PATJ: variants seen among roughly 807,000 people sequenced by gnomAD.
PATJ encodes PATJ crumbs cell polarity complex component.
In PATJ, 190 loss-of-function variants were observed where a neutral mutation model predicts 224.9. That is an observed-to-expected ratio of 0.84 (90% confidence interval 0.75 to 0.95). The LOEUF (loss-of-function observed/expected upper bound fraction) is 0.95. PATJ is among the 40% of genes least tolerant of loss of function. The pLI, the probability that PATJ is intolerant of heterozygous loss-of-function variation, is 0.00. For synonymous variants in PATJ, 769 were observed against 820.3 expected, an observed-to-expected ratio of 0.94 and a Z score of 1.07; for missense variants, 2,121 against 2,270.3, an observed-to-expected ratio of 0.93 and a Z score of 1.34.
At chr1:61,972,358 T>C (rs1683099765) in intron 27 of PATJ, among the ~76,000 whole-genome samples, 1 of 152,066 alleles carries the variant, frequency 6.6e-6, no homozygotes, top group South Asian at 2.1e-4. Flanking sequence ...GATTTTCAGA[T>C]TAGGAATGCT....
Position 62,017,836 on chromosome 1 carries a change from T to C in PATJ, c.3868-20T>C, listed in dbSNP as rs1459533001. On this transcript the variant is annotated intron_variant, in intron 28 of 43. Coordinates refer to ENST00000642238, the MANE Select transcript of PATJ (RefSeq NM_001350145.3). ...TTGTAGACATGTATAATTTAGTACA[T>C]TGTGGTTTTTCCCAAACAGATAAAC... 1 of 1,321,502 alleles carries C rather than the reference T, an allele frequency of 7.6e-7. No individual in the cohort carries two copies. Among genetic ancestry groups the C allele is most frequent in the South Asian group, 1.2e-5 (1 of 84,468 alleles). The allele number at this position is 1,321,502 out of a possible 1,614,324, so 81.9% of individuals were successfully genotyped here.
intron 29 of PATJ, among the ~76,000 whole-genome samples, chr1:62,026,905 T>A (rs773868442): frequency 1.2e-4 from 18 of 152,208 alleles, no homozygotes; most frequent in Non-Finnish European, 2.4e-4. Context: ...AAGAGATATT[T>A]CTATTTCCGT....
At chr1:61,894,306 A>C (rs1482211482) in intron 22 of PATJ, among the ~76,000 whole-genome samples, 1 of 152,082 alleles carries the variant, frequency 6.6e-6, no homozygotes, top group Non-Finnish European at 1.5e-5. Context: ...AATACAGCAG[A>C]GCATGAAGAT....
chr1:62,036,904 A>AGGGAG lies in PATJ; in HGVS notation c.3960-1070_3960-1066dup, dbSNP rs1163581226. Among the ~76,000 whole-genome samples, 312 of 143,118 alleles carry AGGGAG rather than the reference A, an allele frequency of 2.2e-3. 1 individual carries two copies. Among genetic ancestry groups the AGGGAG allele is most frequent in the African/African-American group, 7.7e-3 (301 of 38,864 alleles). 93.9% of individuals were successfully genotyped at this position (143,118 alleles called of 152,430 possible). ...AAAGAAGGAAGAAAGGAAGGAAGGG[A>AGGGAG]GGGAGGGAGGAAGGGAGGAAGGGAA... On this transcript the variant is annotated intron_variant, in intron 29 of 43. Transcript: ENST00000642238.
rs183876471 is a variant in PATJ, at chr1:61,777,478, G to A, written c.849+2144G>A. Among the ~76,000 whole-genome samples, 153 of 152,030 alleles carry A rather than the reference G, an allele frequency of 1.0e-3. 4 individuals carry two copies. In the East Asian group the frequency reaches 0.026, roughly 26 times the overall value. ...GAGGAGGTAGAGGCTGCTTTGAGCC[G>A]AGATTGTGGCACTGAACTCCATCCA... On this transcript the variant is annotated intron_variant, in intron 7 of 43. Coordinates refer to ENST00000642238, the MANE Select transcript of PATJ (RefSeq NM_001350145.3).
Position 61,850,325 on chromosome 1 carries a change from C to A in PATJ, c.2113-5705C>A, listed in dbSNP as rs145880288. 1.3e-4 allele frequency among the ~76,000 whole-genome samples: 20 copies of A among 152,296 alleles called. No individual in the cohort carries two copies. In the East Asian group the frequency reaches 3.3e-3, roughly 25 times the overall value. On this transcript the variant is annotated intron_variant, in intron 17 of 43. Transcript: ENST00000642238. ...ACACATCAGAAACTTTGAATCCCATCCATTTGGGCATAATGATTATCACAT... is the reference window on the plus strand; with the variant it reads ...ACACATCAGAAACTTTGAATCCCATACATTTGGGCATAATGATTATCACAT...
At chr1:61,917,010 AAT>A (rs1394613343) in intron 26 of PATJ, among the ~76,000 whole-genome samples, 1 of 152,182 alleles carries the variant, frequency 6.6e-6, no homozygotes, top group Non-Finnish European at 1.5e-5. Context: ...TAGTTTTTAT[AAT>A]AGTAACATTA....
intron 14 of PATJ, among the ~76,000 whole-genome samples, chr1:61,812,392 G>C (rs1654993307): frequency 8.0e-6 from 1 of 125,542 alleles, no homozygotes; most frequent in Non-Finnish European, 1.8e-5. Context: ...GAGAGAGAGA[G>C]AGAATGTGAG....
intron 27 of PATJ, among the ~76,000 whole-genome samples, chr1:61,989,164 A>G (rs780618216): frequency 6.6e-6 from 1 of 152,168 alleles, no homozygotes; most frequent in East Asian, 1.9e-4. Flanking sequence ...ATCTCCTAAA[A>G]CAGGTCCTTT....
At chr1:61,828,554 TAACTAAA>T (rs1280482806) in intron 16 of PATJ, among the ~76,000 whole-genome samples, 3 of 151,950 alleles carry the variant, frequency 2.0e-5, no homozygotes, top group African/African-American at 7.3e-5. Flanking sequence ...CACACCCAGC[TAACTAAA>T]AAATTTTTTT....
At chr1:61,998,244 T>A (rs1195997894) in intron 28 of PATJ, among the ~76,000 whole-genome samples, 1 of 147,720 alleles carries the variant, frequency 6.8e-6, no homozygotes. Context: ...CAGGCCTGGC[T>A]AATTTTTTTT....
chr1:61,800,675 C>T (rs1162424446), intron 11 of PATJ, among the ~76,000 whole-genome samples: 3 of 152,118 alleles, frequency 2.0e-5, no homozygotes, highest in Non-Finnish European at 4.4e-5. Flanking sequence ...TGGTGTGCTA[C>T]ACCCATTAAC....
chr1:61,964,110 C>G (rs1417158440), intron 27 of PATJ, among the ~76,000 whole-genome samples: 1 of 151,162 alleles, frequency 6.6e-6, no homozygotes, highest in Non-Finnish European at 1.5e-5. Context: ...TCCTTCCTTC[C>G]TTTCTCTGTT....
At chr1:62,056,946 C>T (rs574750418) in intron 31 of PATJ, among the ~76,000 whole-genome samples, 15 of 152,248 alleles carry the variant, frequency 9.9e-5, no homozygotes, top group African/African-American at 3.6e-4. Context: ...CGTTCCTTAG[C>T]CACCTGAGTA....
rs376277572 is a variant in PATJ at position 62,035,622 on chromosome 1, T to C, written c.3960-2355T>C. 8.6e-5 allele frequency among the ~76,000 whole-genome samples: 13 copies of C among 151,756 alleles called. No homozygotes were observed. The South Asian group carries it at 2.3e-3, about 27-fold the overall frequency. On this transcript the variant is annotated intron_variant, in intron 29 of 43. Transcript: ENST00000642238. The stretch of plus-strand genomic sequence containing the variant: ...CCACCCCACCATTCATTCATTTTTT[T>C]TTTTTCAATAACTATGTTAAGCACA...
chr1:61,863,343 G>A (rs1664931631), intron 19 of PATJ, among the ~76,000 whole-genome samples: 2 of 152,040 alleles, frequency 1.3e-5, no homozygotes. Flanking sequence ...GCCCTACTGT[G>A]TTAATTTAAA....
At chr1:62,139,385 G>C (rs1372932814) in intron 41 of PATJ, among the ~76,000 whole-genome samples, 2 of 123,454 alleles carry the variant, frequency 1.6e-5, no homozygotes, top group Admixed American at 1.0e-4. Flanking sequence ...GGGCGACACA[G>C]CGAGACTCCA....
At chr1:61,784,806 C>G (rs542071026) in intron 7 of PATJ, among the ~76,000 whole-genome samples, 22 of 152,338 alleles carry the variant, frequency 1.4e-4, no homozygotes, top group African/African-American at 5.0e-4. Context: ...TGCATGAAAA[C>G]AGAATATCAG....
At chr1:62,150,386 A>G (rs1235546850) in intron 42 of PATJ, among the ~76,000 whole-genome samples, 2 of 152,196 alleles carry the variant, frequency 1.3e-5, no homozygotes, top group African/African-American at 2.4e-5. Context: ...ATCCATAGTT[A>G]TAAAAGATAA....
Sources: gnomAD v4.1 joint callset for allele counts (sites outside exome capture counted in the v4.1 genomes callset) on GRCh38, gnomAD v4.1.1 for gene constraint, MANE v1.5 for transcripts, NCBI Gene and HGNC (gene_info 2026-07-23, HGNC 2026-07-21) for gene names.